Variants in DHX30 observed in about 807,000 individuals in gnomAD.
DHX30 encodes DExH-box helicase 30.
In DHX30, 4 loss-of-function variants were observed where a neutral mutation model predicts 116.9. The ratio of observed to expected loss-of-function variants is 0.03; its 90% confidence interval spans 0.02 to 0.08. DHX30 has a LOEUF of 0.08. Among genes scored for constraint, DHX30 ranks in the 10% least tolerant of loss-of-function variants. DHX30 has a pLI of 1.00. For synonymous variants in DHX30, 697 were observed against 651.7 expected (o/e 1.07, Z -1.06); for missense variants, 871 against 1,595.1 (o/e 0.55, Z 7.73).
intron 3 of DHX30, among the ~76,000 whole-genome samples, 191 bp from the exon 4 acceptor site, chr3:47,817,831 A>T (rs139644497): frequency 2.2e-4 from 34 of 152,286 alleles, no homozygotes; most frequent in African/African-American, 7.7e-4. Flanking sequence ...ATATCACATC[A>T]TATGAGACGC....
chr3:47,805,464 C>G (rs1275254491), intron 2 of DHX30, 44 bp downstream of exon 2: 1 of 398,842 alleles, frequency 2.5e-6, no homozygotes, highest in East Asian at 3.6e-5. Context: ...GGATCTGATG[C>G]TCAGCTGTAC....
intron 1 of DHX30, among the ~76,000 whole-genome samples, chr3:47,804,666 A>T (rs1355799376): frequency 6.6e-6 from 1 of 152,262 alleles, no homozygotes; most frequent in African/African-American, 2.4e-5. Flanking sequence ...AATGAACCGT[A>T]GTACATTTAG....
At chr3:47,806,776 A>C (rs1269584961) in intron 2 of DHX30, among the ~76,000 whole-genome samples, 1 of 151,298 alleles carries the variant, frequency 6.6e-6, no homozygotes, top group Non-Finnish European at 1.5e-5. Flanking sequence ...TATTTTTAGT[A>C]GAGACAGGAT....
At chr3:47,813,172 A>G (rs1255159660) in intron 3 of DHX30, among the ~76,000 whole-genome samples, 1 of 151,856 alleles carries the variant, frequency 6.6e-6, no homozygotes, top group African/African-American at 2.4e-5. Context: ...CCCCGTCTCT[A>G]CTAAAAATAC....
chr3:47,829,308 A>ATG (rs1411543006), intron 6 of DHX30, among the ~76,000 whole-genome samples, 174 bp downstream of exon 6: 2 of 28,710 alleles, frequency 7.0e-5, no homozygotes, highest in South Asian at 3.5e-3. Context: ...ATATATATAT[A>ATG]TATATATTTT....
chr3:47,819,195 CT>C (rs543182585), intron 4 of DHX30: 307 of 1,199,032 alleles, frequency 2.6e-4, no homozygotes, highest in East Asian at 4.5e-4. Context: ...GTTGATTGCC[CT>C]TTTTTTTTTC....
intron 4 of DHX30, among the ~76,000 whole-genome samples, chr3:47,819,014 G>A (rs192382744): frequency 6.6e-6 from 1 of 152,178 alleles, no homozygotes; most frequent in Non-Finnish European, 1.5e-5. Context: ...GGAACACAGA[G>A]CACCTCAGTT....
intron 4 of DHX30, chr3:47,819,261 G>T (rs967784036): frequency 3.7e-6 from 5 of 1,367,826 alleles, no homozygotes; most frequent in Non-Finnish European, 4.9e-6. Context: ...TTCCAACATG[G>T]CAGGTGAGTG....
chr3:47,838,811 C>A (rs1023026870), intron 6 of DHX30, among the ~76,000 whole-genome samples: 1 of 152,230 alleles, frequency 6.6e-6, no homozygotes, highest in Admixed American at 6.5e-5. Flanking sequence ...ATCTCACCCA[C>A]GTCTTTGTTC....
Position 47,845,759 on chromosome 3 carries a change from C to G in DHX30, c.999C>G (p.Ala333=). Residue 333 remains alanine, a synonymous_variant, in exon 10 of 22, where the codon GCC becomes GCG. Coordinates refer to ENST00000445061, the MANE Select transcript of DHX30 (RefSeq NM_138615.3). ...TTACACACGCCATGTATAACCTGGC[C>G]TCTTTGCGTGAGCTGGGTGAGACCC... ...EPLTHAMYNL[A]SLRELGETQR... The G allele has an allele frequency of 6.2e-7, 1 of 1,612,704 alleles. No individual in the cohort carries two copies. Among genetic ancestry groups the G allele is most frequent in the Non-Finnish European group, 8.5e-7 (1 of 1,178,798 alleles).
intron 4 of DHX30, among the ~76,000 whole-genome samples, chr3:47,826,550 A>T (rs1448564965): frequency 1.3e-5 from 2 of 150,306 alleles, no homozygotes; most frequent in South Asian, 2.1e-4. Context: ...GGTTCAAGCG[A>T]TTCTCCTGCT....
intron 18 of DHX30, 55 bp from the exon 19 acceptor site, chr3:47,849,137 C>T (rs532386099): frequency 5.0e-6 from 8 of 1,612,272 alleles, no homozygotes; most frequent in Admixed American, 3.4e-5. Flanking sequence ...GAGTTTCTGT[C>T]ACCTCCAGCC....
intron 20 of DHX30, 21 bp downstream of exon 20, chr3:47,849,575 A>G: frequency 6.2e-7 from 1 of 1,613,732 alleles, no homozygotes; most frequent in Middle Eastern, 1.7e-4. Flanking sequence ...GCAGGCCTGG[A>G]TGGGGCAGCT....
intron 3 of DHX30, 85 bp from the exon 4 acceptor site, chr3:47,817,937 C>A: frequency 2.6e-6 from 2 of 779,732 alleles, no homozygotes; most frequent in Non-Finnish European, 4.8e-6. Flanking sequence ...GAGCTCCTCA[C>A]GGATGCTCTG....
intron 4 of DHX30, among the ~76,000 whole-genome samples, chr3:47,818,479 A>G (rs778445065): frequency 3.3e-5 from 5 of 152,156 alleles, no homozygotes; most frequent in Non-Finnish European, 7.4e-5. Flanking sequence ...GGGTGCTTGT[A>G]GCAGGGCTGG....
intron 9 of DHX30, among the ~76,000 whole-genome samples, chr3:47,844,837 C>A (rs2037529293): frequency 6.6e-6 from 1 of 152,130 alleles, no homozygotes; most frequent in Non-Finnish European, 1.5e-5. Flanking sequence ...CTTGTTTGAT[C>A]AAGTTGCATT....
chr3:47,846,716 C>T lies in DHX30; in HGVS notation c.1644C>T (p.Pro548=). The T allele has an allele frequency of 6.2e-7, 1 of 1,614,042 alleles. No individual in the cohort carries two copies. The highest frequency in any genetic ancestry group is 1.1e-5 in the South Asian group (1 of 91,088). The change falls in exon 11 of 22, where the codon CCC becomes CCT. Residue 548 remains proline, a synonymous_variant. Transcript: ENST00000445061. ...GILLRKLQSN[P]SLEGVSHVIV... ...TGCTGCGTAAGCTGCAGAGCAACCC[C>T]AGCCTGGAGGGCGTGAGCCACGTCA... is the stretch of plus-strand genomic sequence containing the variant.
chr3:47,832,704 T>C (rs2036916299), intron 6 of DHX30, among the ~76,000 whole-genome samples: 1 of 151,668 alleles, frequency 6.6e-6, no homozygotes. Context: ...TGGCGCAGTC[T>C]CAGCTCACTG....
At chr3:47,819,201 T>TTTTTC in intron 4 of DHX30, 1 of 1,367,650 alleles carries the variant, frequency 7.3e-7, no homozygotes, top group Non-Finnish European at 9.8e-7. Context: ...TGCCCTTTTT[T>TTTTTC]TTTTCTTTCT....
Sources: allele counts gnomAD v4.1 joint callset (sites outside exome capture counted in the v4.1 genomes callset), GRCh38; gene constraint gnomAD v4.1.1; transcripts MANE v1.5; gene names NCBI Gene and HGNC (gene_info 2026-07-23, HGNC 2026-07-21).